Variants in GARIN5B observed in about 807,000 individuals in gnomAD.
The protein encoded by GARIN5B is Golgi-associated RAB2 interactor protein 5B.
At chr19:55,362,249 AG>A in the GARIN5B span, 8 of 1,531,298 alleles carry the variant, frequency 5.2e-6, no homozygotes, top group Non-Finnish European at 6.2e-6. Context: ...TCCCACCTGC[AG>A]GTGCCAGGTG....
the GARIN5B span, among the ~76,000 whole-genome samples, chr19:55,361,671 G>GA: frequency 1.7e-5 from 1 of 58,978 alleles, no homozygotes; most frequent in African/African-American, 4.1e-5. Context: ...CTTGACTCAG[G>GA]GGTCCAGGCC....
the GARIN5B span, chr19:55,361,163 C>T: frequency 2.7e-5 from 42 of 1,551,040 alleles, no homozygotes; most frequent in South Asian, 3.8e-4. Context: ...CACACCACCC[C>T]GCCGGCTCAC....
chr19:55,359,240 G>C, the GARIN5B span: 1 of 1,551,262 alleles, frequency 6.4e-7, no homozygotes, highest in African/African-American at 1.4e-5. Context: ...TTCGGTAGGT[G>C]AGGTTGGCAG....
chr19:55,359,270 G>A, the GARIN5B span: 2 of 1,551,380 alleles, frequency 1.3e-6, no homozygotes, highest in Non-Finnish European at 1.7e-6. Flanking sequence ...GGATGGGGCA[G>A]GGAGGAGTAG....
chr19:55,358,481 A>T, the GARIN5B span: 3 of 1,537,456 alleles, frequency 2.0e-6, no homozygotes, highest in Non-Finnish European at 2.6e-6. Context: ...GCGAAAGGGC[A>T]CCTTGGGTGG....
chr19:55,358,198 G>A, the GARIN5B span: 1 of 1,541,916 alleles, frequency 6.5e-7, no homozygotes, highest in Non-Finnish European at 8.8e-7. Context: ...CTGCCTTGGT[G>A]GCCGTGTTCC....
the GARIN5B span, chr19:55,361,161 C>G: frequency 6.4e-7 from 1 of 1,551,326 alleles, no homozygotes; most frequent in Non-Finnish European, 8.7e-7. Flanking sequence ...CCCACACCAC[C>G]CCGCCGGCTC....
the GARIN5B span, among the ~76,000 whole-genome samples, chr19:55,361,883 A>G: frequency 7.9e-6 from 1 of 126,484 alleles, no homozygotes. Flanking sequence ...CAGACCCAGG[A>G]GTCCAGGGCC....
chr19:55,358,369 C>T, the GARIN5B span: 67 of 1,513,324 alleles, frequency 4.4e-5, no homozygotes, highest in South Asian at 1.0e-4. Flanking sequence ...TGAGGGTCTC[C>T]GAGAGGGGCG....
chr19:55,358,085 TC>T, the GARIN5B span: 2 of 1,317,620 alleles, frequency 1.5e-6, no homozygotes, highest in African/African-American at 3.1e-5. Context: ...GAAAGAGTGA[TC>T]ATCTCTGTCT....
At chr19:55,361,407 C>T in the GARIN5B span, 1 of 1,523,732 alleles carries the variant, frequency 6.6e-7, no homozygotes. Flanking sequence ...AGGGCCTGCT[C>T]ACCTGCATGT....
the GARIN5B span, chr19:55,359,086 G>A: frequency 2.6e-6 from 4 of 1,551,158 alleles, no homozygotes; most frequent in Non-Finnish European, 3.5e-6. Context: ...CTGTCTCCTG[G>A]GTGCGCACCG....
chr19:55,362,958 G>T, the GARIN5B span: 23 of 1,501,208 alleles, frequency 1.5e-5, no homozygotes, highest in Non-Finnish European at 1.9e-5. Context: ...GGACGGAGGG[G>T]CAGGTACTCG....
the GARIN5B span, chr19:55,359,664 C>T: frequency 5.8e-6 from 9 of 1,551,588 alleles, no homozygotes; most frequent in Non-Finnish European, 7.8e-6. Flanking sequence ...CCAGATGGGG[C>T]CTTCTGGCAG....
At chr19:55,361,087 A>G in the GARIN5B span, 1 of 1,551,286 alleles carries the variant, frequency 6.4e-7, no homozygotes, top group Non-Finnish European at 8.7e-7. Context: ...CTGAGACTTG[A>G]AACTGCGCTT....
chr19:55,362,897 G>C, the GARIN5B span: 3 of 1,489,848 alleles, frequency 2.0e-6, no homozygotes, highest in African/African-American at 4.2e-5. Flanking sequence ...CTCAGCCCCG[G>C]GGCACTGGGA....
the GARIN5B span, chr19:55,362,435 A>C: frequency 6.5e-7 from 1 of 1,550,160 alleles, no homozygotes; most frequent in Non-Finnish European, 8.7e-7. Flanking sequence ...GCCCGAGACC[A>C]GGCGCAGCTT....
the GARIN5B span, chr19:55,358,917 G>T: frequency 6.4e-7 from 1 of 1,551,064 alleles, no homozygotes; most frequent in Non-Finnish European, 8.7e-7. Flanking sequence ...CTCTCTTCAA[G>T]CTTCGCCCAG....
At chr19:55,355,206 C>T in the GARIN5B span, 1 of 132,920 alleles carries the variant, frequency 7.5e-6, no homozygotes, top group Non-Finnish European at 1.6e-5. Context: ...CCTCCCTCGC[C>T]CCCCTCCCCC....
Sources: allele counts gnomAD v4.1 joint callset (sites outside exome capture counted in the v4.1 genomes callset), GRCh38; gene constraint gnomAD v4.1.1; transcripts MANE v1.5; gene names NCBI Gene and HGNC (gene_info 2026-07-23, HGNC 2026-07-21).